MRTFA: variants seen among roughly 807,000 people sequenced by gnomAD.
MRTFA encodes myocardin related transcription factor A.
MRTFA carries 20 observed loss-of-function variants against 83.5 expected under a neutral mutation model. The observed-to-expected ratio is 0.24, with a 90% confidence interval of 0.17 to 0.35. The LOEUF is 0.35. Ranked by LOEUF, MRTFA falls within the 10% of genes least tolerant of loss-of-function variation. The probability of loss-of-function intolerance (pLI) is 1.00; values close to 1 mark genes in which losing one functional copy is unlikely to be tolerated. For missense variants in MRTFA, 1,200 were observed against 1,224.7 expected (o/e 0.98, Z 0.30); for synonymous variants, 659 against 541.2 (o/e 1.22, Z -3.02).
intron 3 of MRTFA, among the ~76,000 whole-genome samples, chr22:40,506,955 T>C (rs1391134016): frequency 6.6e-6 from 1 of 152,184 alleles, no homozygotes; most frequent in Non-Finnish European, 1.5e-5. Context: ...ATATAAGAAA[T>C]GCTGATTCTG....
At chr22:40,515,997 A>G (rs1186901614) in intron 3 of MRTFA, among the ~76,000 whole-genome samples, 2 of 152,224 alleles carry the variant, frequency 1.3e-5, no homozygotes, top group Non-Finnish European at 2.9e-5. Context: ...GGGATTAAAC[A>G]TATATTTAGT....
At chr22:40,444,583 C>A (rs2147116564) in intron 4 of MRTFA, among the ~76,000 whole-genome samples, 1 of 152,264 alleles carries the variant, frequency 6.6e-6, no homozygotes, top group East Asian at 1.9e-4. Context: ...GCGTATTTCT[C>A]ATCAGAAACC....
At chr22:40,562,216 CAAAA>C (rs35542557) in intron 2 of MRTFA, among the ~76,000 whole-genome samples, 3 of 106,540 alleles carry the variant, frequency 2.8e-5, no homozygotes, top group Non-Finnish European at 3.9e-5. Context: ...GACTCCATCT[CAAAA>C]AAAAAAAAAA....
intron 2 of MRTFA, among the ~76,000 whole-genome samples, chr22:40,577,235 T>TAAAAAAAAAAAAAAAAAAAAAATAAAA (rs2055880642): frequency 1.6e-5 from 1 of 64,442 alleles, no homozygotes; most frequent in Non-Finnish European, 3.0e-5. Flanking sequence ...GACCCTTGTC[T>TAAAAAAAAAAAAAAAAAAAAAATAAAA]AAAAAAAAAA....
chr22:40,459,239 CAAAAAAA>C (rs59958160), intron 4 of MRTFA, among the ~76,000 whole-genome samples: 48,398 of 87,470 alleles, frequency 0.55, 10,833 homozygotes, highest in South Asian at 0.63. Flanking sequence ...AGGGGTCTGG[CAAAAAAA>C]AAAAAAAAAA....
intron 2 of MRTFA, among the ~76,000 whole-genome samples, chr22:40,575,154 C>G (rs900167179): frequency 3.9e-5 from 6 of 152,146 alleles, no homozygotes; most frequent in African/African-American, 1.4e-4. Context: ...AGGATCGTAC[C>G]TACTAACAAA....
At chr22:40,519,802 G>T (rs1303242732) in intron 3 of MRTFA, among the ~76,000 whole-genome samples, 1 of 152,198 alleles carries the variant, frequency 6.6e-6, no homozygotes, top group African/African-American at 2.4e-5. Flanking sequence ...AAACTGGATA[G>T]AAACTAGCAA....
chr22:40,568,048 C>T (rs1184171983), intron 2 of MRTFA, among the ~76,000 whole-genome samples: 1 of 152,102 alleles, frequency 6.6e-6, no homozygotes, highest in African/African-American at 2.4e-5. Flanking sequence ...AACACAGCAA[C>T]ACACACTCAG....
At chr22:40,550,625 A>C (rs2055429314) in intron 3 of MRTFA, among the ~76,000 whole-genome samples, 1 of 152,180 alleles carries the variant, frequency 6.6e-6, no homozygotes, top group South Asian at 2.1e-4. Context: ...ACTGAAGAAC[A>C]CATAATTTTC....
Position 40,411,239 on chromosome 22 carries a change from T to A in MRTFA, c.*151A>T. 2.4e-6 allele frequency: 2 copies of A among 830,648 alleles called. No homozygotes were observed. Among genetic ancestry groups the A allele is most frequent in the African/African-American group, 1.7e-5 (1 of 58,758 alleles). 51.5% of individuals were successfully genotyped at this position (830,648 alleles called of 1,614,324 possible). On this transcript the variant is annotated 3_prime_UTR_variant, in exon 15 of 15. Transcript: ENST00000355630. ...TGGCACTGAACCAGGAGTAAGGGCT[T>A]CTCTGTTCTAGCCTCCCAGGGAAGG...
intron 2 of MRTFA, among the ~76,000 whole-genome samples, chr22:40,570,612 G>A (rs368078606): frequency 1.1e-4 from 16 of 144,180 alleles, no homozygotes; most frequent in African/African-American, 4.0e-4. Flanking sequence ...AAAAGAATTG[G>A]GTACATTATT....
intron 1 of MRTFA, among the ~76,000 whole-genome samples, chr22:40,614,885 C>T (rs1174710263): frequency 6.6e-6 from 1 of 152,098 alleles, no homozygotes; most frequent in Non-Finnish European, 1.5e-5. Context: ...TTTTTTAAAA[C>T]ATATTCTGGA....
intron 2 of MRTFA, among the ~76,000 whole-genome samples, chr22:40,593,452 T>G (rs2056148619): frequency 6.6e-6 from 1 of 152,190 alleles, no homozygotes; most frequent in Admixed American, 6.5e-5. Context: ...CCATTAATTT[T>G]ATCACACAGT....
intron 3 of MRTFA, among the ~76,000 whole-genome samples, chr22:40,535,324 A>C (rs1329694515): frequency 6.8e-6 from 1 of 147,014 alleles, no homozygotes; most frequent in Non-Finnish European, 1.5e-5. Context: ...TGGGCTGTAT[A>C]ATTTGCTGTG....
chr22:40,577,326 T>C (rs1218033564), intron 2 of MRTFA, among the ~76,000 whole-genome samples: 1 of 150,894 alleles, frequency 6.6e-6, no homozygotes, highest in Admixed American at 6.6e-5. Flanking sequence ...ATTCCTGATA[T>C]GAGTGTATTT....
intron 3 of MRTFA, among the ~76,000 whole-genome samples, chr22:40,502,197 G>A (rs1258881984): frequency 4.6e-4 from 59 of 128,932 alleles, no homozygotes; most frequent in African/African-American, 1.1e-3. Context: ...GGTGGCTGCC[G>A]GGCGGAGACG....
In MRTFA at chr22:40,463,753, T is replaced by C. The variant is rs147770798; in HGVS notation, c.242-467A>G. Among the ~76,000 whole-genome samples the C allele has an allele frequency of 2.9e-3, 449 of 152,322 alleles. 4 individuals carry two copies. The highest frequency in any genetic ancestry group is 0.01 in the African/African-American group (428 of 41,568). On this transcript the variant is annotated intron_variant, in intron 3 of 14. Coordinates refer to ENST00000355630, the MANE Select transcript of MRTFA (RefSeq NM_020831.6). ...GGAAGTACTATTTGTAAACTCTTTT[T>C]CTTTTGTATCTAAAAATTATAGCCA...
chr22:40,566,223 ATTTT>A (rs372874080), intron 2 of MRTFA, among the ~76,000 whole-genome samples: 1 of 143,148 alleles, frequency 7.0e-6, no homozygotes, highest in Admixed American at 7.0e-5. Flanking sequence ...CTGATTTATC[ATTTT>A]TTTTTTTTTT....
At chr22:40,550,886 T>C (rs185388780) in intron 3 of MRTFA, among the ~76,000 whole-genome samples, 1 of 149,134 alleles carries the variant, frequency 6.7e-6, no homozygotes, top group African/African-American at 2.5e-5. Flanking sequence ...AATTTTGCTC[T>C]TGTTGCCCAG....
Sources: allele counts gnomAD v4.1 joint callset (sites outside exome capture counted in the v4.1 genomes callset), GRCh38; gene constraint gnomAD v4.1.1; transcripts MANE v1.5; gene names NCBI Gene and HGNC (gene_info 2026-07-23, HGNC 2026-07-21).